PLK3: variants seen among roughly 807,000 people sequenced by gnomAD.
PLK3 encodes polo like kinase 3, also known as serine/threonine-protein kinase PLK3.
In PLK3, 41 loss-of-function variants were observed where a neutral mutation model predicts 71.6. The ratio of observed to expected loss-of-function variants is 0.57; its 90% confidence interval spans 0.45 to 0.74. The LOEUF (loss-of-function observed/expected upper bound fraction) is 0.74, where lower values mean the gene tolerates loss of function less well. PLK3 is among the 30% of genes least tolerant of loss of function. PLK3 has a pLI of 0.00. For missense variants in PLK3, 791 were observed against 875.6 expected (o/e 0.90, Z 1.22); for synonymous variants, 366 against 355.4 (o/e 1.03, Z -0.33).
Position 44,800,646 on chromosome 1 carries a change from C to A in PLK3, c.183C>A (p.Thr61=). ...RLITDPRSGR[T]YLKGRLLGKG... is the part of the protein sequence containing the mutation. ...TCACGGACCCGCGCAGCGGCCGCAC[C>A]TACCTCAAAGGCCGCTTGTTGGGCA... Residue 61 remains threonine (T), a synonymous_variant, in exon 1 of 15, where the codon ACC becomes ACA. Coordinates refer to ENST00000372201, the MANE Select transcript of PLK3 (RefSeq NM_004073.4). This position sits in a 1 kb window ranked among gnomAD's most constrained non-coding sequence, Gnocchi z 6.5. The A allele has an allele frequency of 6.5e-7, 1 of 1,547,606 alleles. No homozygotes were observed. Among genetic ancestry groups the A allele is most frequent in the Non-Finnish European group, 8.7e-7 (1 of 1,150,438 alleles).
In PLK3 at chr1:44,801,768, T is replaced by C; in HGVS notation, c.565+17T>C. On this transcript the variant is annotated intron_variant, in intron 4 of 14. Coordinates refer to ENST00000372201, the MANE Select transcript of PLK3 (RefSeq NM_004073.4). ...TCAAGTTGGGTGAGACTCCTGAGCCTGGAGGATGGGAGGTTGGGGAGGGAG... is the reference window on the plus strand; with the variant it reads ...TCAAGTTGGGTGAGACTCCTGAGCCCGGAGGATGGGAGGTTGGGGAGGGAG... The C allele has an allele frequency of 1.0e-6, 1 of 961,630 alleles. No individual in the cohort carries two copies. Among genetic ancestry groups the C allele is most frequent in the African/African-American group, 2.3e-5 (1 of 43,120 alleles). 59.6% of individuals were successfully genotyped at this position (961,630 alleles called of 1,614,324 possible). A position where few individuals can be genotyped will look rare whatever the true frequency, so the allele number is the denominator to read the frequency against.
chr1:44,804,853 C>T, intron 13 of PLK3, 74 bp downstream of exon 13: 1 of 1,484,118 alleles, frequency 6.7e-7, no homozygotes. Flanking sequence ...CGCCTGTAAT[C>T]CCAGCACTTT....
chr1:44,801,507 C>A (rs1651828977), intron 3 of PLK3, 115 bp from the exon 4 acceptor site: 1 of 1,154,686 alleles, frequency 8.7e-7, no homozygotes, highest in Non-Finnish European at 1.2e-6. Context: ...TACACCCAGC[C>A]GAGAAGACAG....
chr1:44,800,605 G>T lies in PLK3; in HGVS notation c.142G>T (p.Asp48Tyr). 1 of 1,539,510 alleles carries T rather than the reference G, an allele frequency of 6.5e-7. No homozygotes were observed. ...LEMLAGLPTS[D>Y]PGRLITDPRS... ...GATGCTGGCCGGGCTACCGACGTCAGACCCCGGGCGCCTCATCACGGACCC... is the reference window on the plus strand; with the variant it reads ...GATGCTGGCCGGGCTACCGACGTCATACCCCGGGCGCCTCATCACGGACCC... Residue 48 changes from aspartate (D) to tyrosine (Y), a missense_variant, in exon 1 of 15, where the codon GAC becomes TAC. Transcript: ENST00000372201. The surrounding 1 kb of genome is among the most constrained non-coding windows in gnomAD (Gnocchi z 6.5).
Position 44,805,742 on chromosome 1 carries a change from C to T in PLK3, c.*64C>T, listed in dbSNP as rs1012154790. On this transcript the variant is annotated 3_prime_UTR_variant, in exon 15 of 15. Transcript: ENST00000372201. ...CTCTGGCCCTTGCCTTTGTGGCCTTCCCCCTTCCTTTGGTGCCTCACTGGG... is the reference window on the plus strand; with the variant it reads ...CTCTGGCCCTTGCCTTTGTGGCCTTTCCCCTTCCTTTGGTGCCTCACTGGG... 2 of 1,523,432 alleles carry T rather than the reference C, an allele frequency of 1.3e-6. No individual in the cohort carries two copies. Among genetic ancestry groups the T allele is most frequent in the African/African-American group, 2.7e-5 (2 of 72,742 alleles). 94.4% of individuals were successfully genotyped at this position (1,523,432 alleles called of 1,614,324 possible). A position where few individuals can be genotyped will look rare whatever the true frequency, so the allele number is the denominator to read the frequency against.
At position 44,803,166 on chromosome 1, in the gene PLK3, C is replaced by T. The variant is rs770745162; in HGVS notation, c.948+13C>T. The stretch of plus-strand genomic sequence containing the variant: ...CTTCTTTACCAAGGTCTGTGGCTCC[C>T]CAGACCTCTAAGTCCATCTGTGTAT... On this transcript the variant is annotated intron_variant, in intron 7 of 14. Coordinates refer to ENST00000372201, the MANE Select transcript of PLK3 (RefSeq NM_004073.4). This position sits in a 1 kb window ranked among gnomAD's most constrained non-coding sequence, Gnocchi z 4.3. 3.1e-6 allele frequency: 5 copies of T among 1,613,498 alleles called. No homozygotes were observed. The highest frequency in any genetic ancestry group is 4.2e-6 in the Non-Finnish European group (5 of 1,179,566).
In PLK3 at chr1:44,801,021, G is replaced by A. The variant is rs1454538948; in HGVS notation, c.319-15G>A. 4 of 1,610,428 alleles carry A rather than the reference G, an allele frequency of 2.5e-6. No individual in the cohort carries two copies. Among genetic ancestry groups the A allele is most frequent in the Admixed American group, 3.3e-5 (2 of 59,954 alleles). ...GGAACCATGGAAGGATGACGACTCC[G>A]CGCCCTCATCGCAGATCCTAAATGA... On this transcript the variant is annotated splice_polypyrimidine_tract_variant and intron_variant, in intron 2 of 14. Transcript: ENST00000372201.
At chr1:44,804,317 A>T (rs1248945308) in intron 11 of PLK3, 22 bp from the exon 12 acceptor site, 5 of 1,612,304 alleles carry the variant, frequency 3.1e-6, no homozygotes. Flanking sequence ...GCAGGTGCTG[A>T]CTCCCTCCTC....
intron 6 of PLK3, 27 bp from the exon 7 acceptor site, chr1:44,802,928 T>C (rs1318323214): frequency 1.2e-6 from 2 of 1,612,860 alleles, no homozygotes; most frequent in Non-Finnish European, 1.7e-6. Flanking sequence ...TCCACTTTAC[T>C]CCTGACCCCT....
In PLK3 at chr1:44,803,363, C is replaced by T. The variant is rs1257231106; in HGVS notation, c.1044C>T (p.Thr348=). Reference sequence around the variant, plus strand: ...CTAGGAGTCTGTTTGCCAAAGTTACCAAGAGCCTCTTTGGCAGAAAGAAGA... The same window carrying T: ...CTAGGAGTCTGTTTGCCAAAGTTACTAAGAGCCTCTTTGGCAGAAAGAAGA... ...NPARSLFAKV[T]KSLFGRKKKS... is the part of the protein sequence containing the mutation. The change falls in exon 8 of 15, where the codon ACC becomes ACT. Residue 348 remains threonine (T), a synonymous_variant. Coordinates refer to ENST00000372201, the MANE Select transcript of PLK3 (RefSeq NM_004073.4). The surrounding 1 kb of genome is among the most constrained non-coding windows in gnomAD (Gnocchi z 4.3). The T allele has an allele frequency of 1.2e-6, 2 of 1,613,988 alleles. No individual in the cohort carries two copies. The highest frequency in any genetic ancestry group is 1.3e-5 in the African/African-American group (1 of 74,934).
Position 44,805,384 on chromosome 1 carries a change from G to A in PLK3, c.1749+5G>A, listed in dbSNP as rs1411712511. 1.2e-6 allele frequency: 2 copies of A among 1,612,662 alleles called. No homozygotes were observed. The highest frequency in any genetic ancestry group is 1.7e-6 in the Non-Finnish European group (2 of 1,178,618). ...TTTAGTGATGGCACTGTCCAGGTAA[G>A]AGCCTATCCAGGAGTTGCGGGAAGG... On this transcript the variant is annotated splice_donor_5th_base_variant and intron_variant, in intron 14 of 14. Coordinates refer to ENST00000372201, the MANE Select transcript of PLK3 (RefSeq NM_004073.4).
At position 44,805,579 on chromosome 1, in the gene PLK3, T is replaced by G; in HGVS notation, c.1842T>G (p.Thr614=). 6.2e-7 allele frequency: 1 copy of G among 1,614,196 alleles called. No homozygotes were observed. The highest frequency in any genetic ancestry group is 8.5e-7 in the Non-Finnish European group (1 of 1,180,006). Residue 614 remains threonine (T), a synonymous_variant, in exon 15 of 15, where the codon ACT becomes ACG. Coordinates refer to ENST00000372201, the MANE Select transcript of PLK3 (RefSeq NM_004073.4). The stretch of plus-strand genomic sequence containing the variant: ...TGGCCCGAAATCGTAGTGCTTGTAC[T>G]TACCTCGCTTCCCACCTTCGGCAGC... ...TFVARNRSAC[T]YLASHLRQLG... is the part of the protein sequence containing the mutation.
chr1:44,801,269 G>C, intron 3 of PLK3, 117 bp downstream of exon 3: 2 of 670,176 alleles, frequency 3.0e-6, no homozygotes, highest in Non-Finnish European at 5.0e-6. Context: ...GAGTGCAGTG[G>C]CGCGATCTCG....
At position 44,800,600 on chromosome 1, in the gene PLK3, C is replaced by G. The variant is rs773595141; in HGVS notation, c.137C>G (p.Thr46Arg). ...CTGGAGATGCTGGCCGGGCTACCGA[C>G]GTCAGACCCCGGGCGCCTCATCACG... ...PELEMLAGLP[T>R]SDPGRLITDP... Residue 46 changes from threonine to arginine, a missense_variant, in exon 1 of 15, where the codon ACG (threonine) becomes AGG (arginine). Transcript: ENST00000372201. The surrounding 1 kb of genome is among the most constrained non-coding windows in gnomAD (Gnocchi z 6.5). 6.5e-7 allele frequency: 1 copy of G among 1,539,040 alleles called. No individual in the cohort carries two copies. Among genetic ancestry groups the G allele is most frequent in the Non-Finnish European group, 8.7e-7 (1 of 1,145,964 alleles).
Position 44,803,909 on chromosome 1 carries a change from CT to C in PLK3, c.1165-19del. The C allele has an allele frequency of 6.6e-7, 1 of 1,525,176 alleles. No individual in the cohort carries two copies. The highest frequency in any genetic ancestry group is 8.9e-7 in the Non-Finnish European group (1 of 1,123,924). The allele number at this position is 1,525,176 out of a possible 1,614,324, so 94.5% of individuals were successfully genotyped here. ...TGGATTTTGGGGCCTGTGTCACTCC[CT>C]TTCCCTGCCCAACCCTCCAGGCTCC... On this transcript the variant is annotated intron_variant, in intron 9 of 14. Transcript: ENST00000372201. This position sits in a 1 kb window ranked among gnomAD's most constrained non-coding sequence, Gnocchi z 4.3.
Position 44,800,610 on chromosome 1 carries a change from CG to C in PLK3, c.150del (p.Arg51AlafsTer58). On this transcript the variant is annotated frameshift_variant, in exon 1 of 15. Coordinates refer to ENST00000372201, the MANE Select transcript of PLK3 (RefSeq NM_004073.4). LOFTEE classifies it high-confidence loss of function. The surrounding 1 kb of genome is among the most constrained non-coding windows in gnomAD (Gnocchi z 6.5). ...MLAGLPTSDP[G>X]RLITDPRSGR... Reference sequence around the variant, plus strand: ...TGGCCGGGCTACCGACGTCAGACCCCGGGCGCCTCATCACGGACCCGCGCAG... The same window carrying C: ...TGGCCGGGCTACCGACGTCAGACCCCGGCGCCTCATCACGGACCCGCGCAG... The C allele has an allele frequency of 6.5e-7, 1 of 1,540,148 alleles. No individual in the cohort carries two copies.
At position 44,804,150 on chromosome 1, in the gene PLK3, C is replaced by T; in HGVS notation, c.1259-13C>T. The T allele has an allele frequency of 6.2e-7, 1 of 1,610,596 alleles. No individual in the cohort carries two copies. The highest frequency in any genetic ancestry group is 8.5e-7 in the Non-Finnish European group (1 of 1,176,798). On this transcript the variant is annotated splice_polypyrimidine_tract_variant and intron_variant, in intron 10 of 14. Transcript: ENST00000372201. ...GTGCTAATTCCTAAATCTCAGTGCC[C>T]TGTCTCCTTCAGGATTTGAAGAAGG...
intron 5 of PLK3, 147 bp downstream of exon 5, chr1:44,802,079 G>A (rs1020938660): frequency 4.0e-5 from 27 of 677,088 alleles, no homozygotes; most frequent in African/African-American, 3.6e-4. Context: ...ATGTGTGAAG[G>A]TGGAGGTGGC....
Position 44,800,777 on chromosome 1 carries a change from G to C in PLK3, c.211-63G>C, listed in dbSNP as rs2148854545. 6.4e-7 allele frequency: 1 copy of C among 1,552,416 alleles called. No individual in the cohort carries two copies. The highest frequency in any genetic ancestry group is 2.4e-5 in the East Asian group (1 of 41,912). On this transcript the variant is annotated intron_variant, in intron 1 of 14. Transcript: ENST00000372201. The surrounding 1 kb of genome is among the most constrained non-coding windows in gnomAD (Gnocchi z 6.5). ...GCGTGGGCACTTGACCCCCAACGCG[G>C]GGACGCCCGCGGGCCAGACTCGGCC...
Sources: gnomAD v4.1 joint callset for allele counts on GRCh38, gnomAD v4.1.1 for gene constraint, Gnocchi (gnomAD v3.1) non-coding constraint, MANE v1.5 for transcripts, NCBI Gene and HGNC (gene_info 2026-07-23, HGNC 2026-07-21) for gene names.